The following CELF2 variants were observed in gnomAD, a reference collection of about 807,000 sequenced individuals.
CELF2 encodes CUGBP Elav-like family member 2.
CELF2 carries 8 observed loss-of-function variants against 62.6 expected under a neutral mutation model. The ratio of observed to expected loss-of-function variants is 0.13; its 90% CI spans 0.07 to 0.23. The LOEUF (loss-of-function observed/expected upper bound fraction) is 0.23. Among genes scored for constraint, CELF2 ranks in the 10% least tolerant of loss-of-function variants. The probability of loss-of-function intolerance (pLI) is 1.00; values close to 1 mark genes in which losing one functional copy is unlikely to be tolerated. For synonymous variants in CELF2, 258 were observed against 250.0 expected (o/e 1.03, Z -0.30); for missense variants, 333 against 671.0 (o/e 0.50, Z 5.56).
At chr10:11,289,960 A>T (rs923061632) in intron 9 of CELF2, among the ~76,000 whole-genome samples, 3 of 151,980 alleles carry the variant, frequency 2.0e-5, no homozygotes, top group African/African-American at 7.3e-5. Context: ...CTTAAGAGGG[A>T]TTTTTTTTCT....
At chr10:10,949,460 A>C (rs1308749388) in intron 2 of CELF2, among the ~76,000 whole-genome samples, 1 of 152,054 alleles carries the variant, frequency 6.6e-6, no homozygotes, top group Non-Finnish European at 1.5e-5. Flanking sequence ...GAAGCTTCTC[A>C]AGCAGGAATG....
At chr10:10,873,258 G>T (rs2060868985) in intron 1 of CELF2, among the ~76,000 whole-genome samples, 3 of 152,110 alleles carry the variant, frequency 2.0e-5, no homozygotes, top group African/African-American at 7.2e-5. Context: ...AGCAGTCAAT[G>T]AGCAAAATCA....
the CELF2 span, among the ~76,000 whole-genome samples, chr10:10,689,073 A>T: frequency 4.6e-5 from 7 of 152,208 alleles, no homozygotes; most frequent in Admixed American, 1.3e-4. Context: ...TCTGAGTTCC[A>T]TAATTTTTGT....
intron 2 of CELF2, among the ~76,000 whole-genome samples, chr10:11,174,960 A>C (rs2070466696): frequency 2.0e-5 from 3 of 152,146 alleles, no homozygotes; most frequent in Non-Finnish European, 2.9e-5. Flanking sequence ...TCCCTACTAA[A>C]CATTCTGTGT....
the CELF2 span, among the ~76,000 whole-genome samples, chr10:10,609,012 A>G: frequency 6.6e-6 from 1 of 152,198 alleles, no homozygotes; most frequent in African/African-American, 2.4e-5. Flanking sequence ...AGCCAGGATG[A>G]AAAGCAGCCT....
the CELF2 span, among the ~76,000 whole-genome samples, chr10:10,508,918 C>G: frequency 6.6e-6 from 1 of 152,134 alleles, no homozygotes; most frequent in Non-Finnish European, 1.5e-5. Flanking sequence ...TCGTGATCCA[C>G]TCGCCTCGGC....
intron 1 of CELF2, among the ~76,000 whole-genome samples, chr10:11,038,118 G>T (rs925814252): frequency 6.6e-6 from 1 of 152,182 alleles, no homozygotes; most frequent in East Asian, 1.9e-4. Context: ...GCTGAAGCTC[G>T]CATGAGAAAT....
At chr10:10,713,367 C>T in the CELF2 span, among the ~76,000 whole-genome samples, 35 of 152,204 alleles carry the variant, frequency 2.3e-4, no homozygotes, top group African/African-American at 8.4e-4. Flanking sequence ...GTCCCCAGAG[C>T]CTAGAACAGT....
At chr10:10,806,236 C>T (rs987947361) in intron 1 of CELF2, among the ~76,000 whole-genome samples, 1 of 148,886 alleles carries the variant, frequency 6.7e-6, no homozygotes. Flanking sequence ...GATGGAGTCT[C>T]ACTCTGTAGC....
the CELF2 span, among the ~76,000 whole-genome samples, chr10:10,611,980 T>A: frequency 6.6e-6 from 1 of 152,204 alleles, no homozygotes; most frequent in Non-Finnish European, 1.5e-5. Flanking sequence ...GATTTCAGCC[T>A]AATATGTAGT....
intron 1 of CELF2, chr10:11,018,706 G>C (rs1435262355): frequency 6.5e-6 from 1 of 153,270 alleles, no homozygotes; most frequent in Non-Finnish European, 1.5e-5. Context: ...GGACCGGCGA[G>C]CGGGCACGGG....
At chr10:10,772,173 C>T in the CELF2 span, among the ~76,000 whole-genome samples, 1 of 151,490 alleles carries the variant, frequency 6.6e-6, no homozygotes, top group Non-Finnish European at 1.5e-5. Context: ...AAAAAAAAAA[C>T]TGGAACTAGC....
chr10:10,569,036 T>TA, the CELF2 span, among the ~76,000 whole-genome samples: 1 of 152,124 alleles, frequency 6.6e-6, no homozygotes, highest in African/African-American at 2.4e-5. Context: ...AGAAAGAAGA[T>TA]ATCACCATCA....
At position 10,806,266 on chromosome 10, in the gene CELF2, G is replaced by A. The variant is rs1462514068; in HGVS notation, c.53+7449G>A. Among the ~76,000 whole-genome samples the A allele has an allele frequency of 9.9e-5, 15 of 151,166 alleles. No individual in the cohort carries two copies. In the South Asian group the frequency reaches 1.1e-3, roughly 11 times the overall value. On this transcript the variant is annotated intron_variant, in intron 1 of 13. Coordinates refer to the CELF2 transcript ENST00000636488. ...TGTAGCCAGGCTGGAGTGCAGTGGC[G>A]TGATCTTGGTTCACTGCAACCTCTT...
At chr10:10,958,473 CTG>C (rs1216949164) in intron 2 of CELF2, among the ~76,000 whole-genome samples, 3 of 152,204 alleles carry the variant, frequency 2.0e-5, no homozygotes, top group Non-Finnish European at 4.4e-5. Context: ...TATGGAGAAA[CTG>C]TGACAGAGGG....
intron 2 of CELF2, among the ~76,000 whole-genome samples, chr10:10,952,618 G>T (rs1289742082): frequency 6.6e-6 from 1 of 150,562 alleles, no homozygotes; most frequent in Non-Finnish European, 1.5e-5. Context: ...ATCTGTGCAT[G>T]TCTGTGTCTA....
the CELF2 span, among the ~76,000 whole-genome samples, chr10:10,720,440 G>A: frequency 6.6e-6 from 1 of 152,034 alleles, no homozygotes; most frequent in African/African-American, 2.4e-5. Context: ...TATGAAAAGC[G>A]CCACAAACAA....
At chr10:10,574,652 G>A in the CELF2 span, among the ~76,000 whole-genome samples, 115 of 152,236 alleles carry the variant, frequency 7.6e-4, no homozygotes, top group African/African-American at 2.7e-3. Flanking sequence ...AGTATAATAT[G>A]TACAAACAAC....
In CELF2 at chr10:11,316,867, TTAA is replaced by T. The variant is rs2140735716; in HGVS notation, c.1096+2611_1096+2613del. The T allele has an allele frequency of 6.6e-6, 1 of 152,334 alleles. No individual in the cohort carries two copies. Among genetic ancestry groups the T allele is most frequent in the Non-Finnish European group, 1.5e-5 (1 of 68,024 alleles). The allele number at this position is 152,334 out of a possible 1,614,324, so 9.4% of individuals were successfully genotyped here. A position where few individuals can be genotyped will look rare whatever the true frequency, so the allele number is the denominator to read the frequency against. The stretch of plus-strand genomic sequence containing the variant: ...GATATCCTTTTTATTCCCTGATACA[TTAA>T]TGAGTCAAAGGGCTAAAAAACAGTA... On this transcript the variant is annotated intron_variant, in intron 10 of 12. Transcript: ENST00000633077. This position sits in a 1 kb window ranked among gnomAD's most constrained non-coding sequence, Gnocchi z 4.4.
Sources: gnomAD v4.1 joint callset for allele counts (sites outside exome capture counted in the v4.1 genomes callset) on GRCh38, gnomAD v4.1.1 for gene constraint, Gnocchi (gnomAD v3.1) non-coding constraint, MANE v1.5 for transcripts, NCBI Gene and HGNC (gene_info 2026-07-23, HGNC 2026-07-21) for gene names.